SVIL: variants seen among roughly 807,000 people sequenced by gnomAD.
The protein encoded by SVIL is archvillin.
In SVIL, 101 loss-of-function variants were observed where a neutral mutation model predicts 240.4. The ratio of observed to expected loss-of-function variants is 0.42; its 90% CI spans 0.36 to 0.50. The LOEUF is 0.50. Ranked by LOEUF, SVIL falls within the 20% of genes least tolerant of loss-of-function variation. The pLI is 0.01. For synonymous variants in SVIL, 999 were observed against 1,100.0 expected (o/e 0.91, Z 1.82); for missense variants, 2,512 against 2,818.7 (o/e 0.89, Z 2.46).
chr10:29,458,006 C>A lies in SVIL; in HGVS notation c.*241G>T, dbSNP rs1943754635. 4.8e-6 allele frequency: 2 copies of A among 420,724 alleles called. No homozygotes were observed. Among genetic ancestry groups the A allele is most frequent in the Non-Finnish European group, 4.2e-6 (1 of 236,784 alleles). The allele number at this position is 420,724 out of a possible 1,614,324, so 26.1% of individuals were successfully genotyped here. On this transcript the variant is annotated 3_prime_UTR_variant, in exon 38 of 38. Transcript: ENST00000355867. ...GCAGCTGCGGCTTAAGTGCACATAA[C>A]AGATACTTTTATTAATTCTGATAAC...
At chr10:29,610,058 C>T (rs748074178) in intron 1 of SVIL, among the ~76,000 whole-genome samples, 17 of 152,190 alleles carry the variant, frequency 1.1e-4, no homozygotes, top group South Asian at 2.1e-4. Context: ...GGCTCATCAC[C>T]GTGAAGTCAG....
intron 2 of SVIL, among the ~76,000 whole-genome samples, chr10:29,664,008 T>C (rs1014734636): frequency 6.6e-6 from 1 of 152,224 alleles, no homozygotes; most frequent in African/African-American, 2.4e-5. Context: ...GATATCTTCC[T>C]ACGGGACACG....
At chr10:29,635,847 A>G (rs748488174), upstream of SVIL, among the ~76,000 whole-genome samples, 6 of 152,198 alleles carry the variant, frequency 3.9e-5, no homozygotes, top group Non-Finnish European at 8.8e-5. Context: ...GCTGGAGTAC[A>G]GCAAAAGCTG....
At chr10:29,582,952 A>G (rs1171765937) in intron 1 of SVIL, among the ~76,000 whole-genome samples, 2 of 152,110 alleles carry the variant, frequency 1.3e-5, no homozygotes, top group Non-Finnish European at 2.9e-5. Context: ...GGCTCTGCCA[A>G]ATCCAGTCAT....
At chr10:29,572,150 T>G (rs1203536617) in intron 1 of SVIL, among the ~76,000 whole-genome samples, 5 of 152,102 alleles carry the variant, frequency 3.3e-5, no homozygotes, top group Non-Finnish European at 7.4e-5. Context: ...CAAACACACT[T>G]AAGGTGAAAA....
At chr10:29,534,206 G>C (rs752193800) in intron 7 of SVIL, among the ~76,000 whole-genome samples, 8 of 152,172 alleles carry the variant, frequency 5.3e-5, no homozygotes, top group Non-Finnish European at 1.2e-4. Context: ...AGTTAAAAAT[G>C]AATCCCAAAA....
chr10:29,509,664 C>G (rs566865652), intron 17 of SVIL, among the ~76,000 whole-genome samples: 1 of 151,672 alleles, frequency 6.6e-6, no homozygotes, highest in Non-Finnish European at 1.5e-5. Flanking sequence ...GCCTGACCTA[C>G]GTGGAGAAAC....
At chr10:29,697,351 G>A (rs2132633926) in intron 1 of SVIL, among the ~76,000 whole-genome samples, 1 of 88,254 alleles carries the variant, frequency 1.1e-5, no homozygotes, top group Non-Finnish European at 2.2e-5. Context: ...CCATGATGAC[G>A]ATGGCGGTTT....
intron 9 of SVIL, 86 bp downstream of exon 9, chr10:29,531,916 A>G: frequency 6.9e-7 from 1 of 1,442,680 alleles, no homozygotes; most frequent in South Asian, 1.3e-5. Context: ...CATCCTATAT[A>G]AATAGCGTCA....
chr10:29,716,429 T>C (rs2132681022), intron 1 of SVIL, among the ~76,000 whole-genome samples: 1 of 152,078 alleles, frequency 6.6e-6, no homozygotes, highest in Middle Eastern at 3.4e-3. Context: ...AAATTAATAA[T>C]ACAATCAGAA....
At chr10:29,701,697 G>A (rs2132645248) in intron 1 of SVIL, among the ~76,000 whole-genome samples, 1 of 152,210 alleles carries the variant, frequency 6.6e-6, no homozygotes, top group Non-Finnish European at 1.5e-5. Flanking sequence ...TCATAAAATA[G>A]TTACTTATGT....
At chr10:29,630,102 C>A (rs1958026428) in intron 1 of SVIL, among the ~76,000 whole-genome samples, 1 of 152,056 alleles carries the variant, frequency 6.6e-6, no homozygotes, top group Admixed American at 6.6e-5. Context: ...GGTAAAATAG[C>A]TCCATTACAT....
intron 17 of SVIL, among the ~76,000 whole-genome samples, chr10:29,505,135 C>A (rs1453192862): frequency 6.6e-6 from 1 of 152,110 alleles, no homozygotes; most frequent in Non-Finnish European, 1.5e-5. Context: ...CCAGCCTGGC[C>A]AACATGGCGA....
intron 21 of SVIL, 23 bp from the exon 22 acceptor site, chr10:29,491,042 G>A (rs762856881): frequency 5.6e-6 from 9 of 1,605,310 alleles, no homozygotes; most frequent in South Asian, 2.2e-5. Context: ...GCAGAGCCGC[G>A]GTCCCAGTCT....
rs1158705107 is a variant in SVIL at position 29,532,197 on chromosome 10, T to C, written c.1839-25A>G. ...GCTTTGAGAATCAAAGGGCAGAGAG[T>C]ATAAGGAAGGCAAACGAAGACAGAG... On this transcript the variant is annotated intron_variant, in intron 8 of 37. Transcript: ENST00000355867. 2.5e-6 allele frequency: 4 copies of C among 1,603,102 alleles called. No individual in the cohort carries two copies. The African/African-American group carries it at 5.4e-5, about 22-fold the overall frequency.
At chr10:29,507,300 T>C (rs542311517) in intron 17 of SVIL, among the ~76,000 whole-genome samples, 60 of 152,256 alleles carry the variant, frequency 3.9e-4, no homozygotes, top group African/African-American at 1.1e-3. Context: ...AGAACATGGC[T>C]GCATCTCCTG....
intron 5 of SVIL, among the ~76,000 whole-genome samples, chr10:29,554,038 G>A (rs1450493365): frequency 6.6e-6 from 1 of 152,156 alleles, no homozygotes; most frequent in East Asian, 1.9e-4. Flanking sequence ...GAAAATGACT[G>A]GCCTCCGTTA....
At chr10:29,562,903 A>T (rs1954639218) in intron 3 of SVIL, among the ~76,000 whole-genome samples, 1 of 152,038 alleles carries the variant, frequency 6.6e-6, no homozygotes, top group South Asian at 2.1e-4. Context: ...TTAAACGGAG[A>T]AAGAGATGAG....
At chr10:29,503,402 A>AAGAAG (rs568609984) in intron 17 of SVIL, among the ~76,000 whole-genome samples, 114 of 152,368 alleles carry the variant, frequency 7.5e-4, no homozygotes, top group African/African-American at 2.6e-3. Context: ...GCATGTGAGA[A>AAGAAG]AGAATTCAGG....
Sources: allele counts gnomAD v4.1 joint callset (sites outside exome capture counted in the v4.1 genomes callset), GRCh38; gene constraint gnomAD v4.1.1; transcripts MANE v1.5; gene names NCBI Gene and HGNC (gene_info 2026-07-23, HGNC 2026-07-21).